The following TPO variants were observed in gnomAD, a reference collection of about 807,000 sequenced individuals.
TPO encodes thyroid microsomal antigen.
A neutral mutation model predicts 96.9 loss-of-function variants in TPO; 78 were observed. That is an observed-to-expected ratio of 0.81 (90% CI 0.67 to 0.97). The LOEUF is 0.97. Ranked by LOEUF, TPO falls within the 50% of genes least tolerant of loss-of-function variation. The probability of loss-of-function intolerance (pLI) is 0.00; values close to 1 mark genes in which losing one functional copy is unlikely to be tolerated. For synonymous variants in TPO, 547 were observed against 538.0 expected, an observed-to-expected ratio of 1.02 and a Z score of -0.23; for missense variants, 1,252 against 1,274.8, an observed-to-expected ratio of 0.98 and a Z score of 0.27.
chr2:1,508,900 A>G (rs1367355710), intron 14 of TPO, among the ~76,000 whole-genome samples: 2 of 152,044 alleles, frequency 1.3e-5, no homozygotes, highest in African/African-American at 4.8e-5. Context: ...TTCTGCTCTG[A>G]TCTTCGTTAT....
At chr2:1,464,271 A>T (rs1380414082) in intron 7 of TPO, among the ~76,000 whole-genome samples, 2 of 152,210 alleles carry the variant, frequency 1.3e-5, no homozygotes, top group African/African-American at 4.8e-5. Flanking sequence ...TATATAAAAA[A>T]TCACAGTTTC....
chr2:1,375,971 G>A (rs141225719), intron 1 of TPO, among the ~76,000 whole-genome samples: 143 of 152,160 alleles, frequency 9.4e-4, no homozygotes, highest in African/African-American at 3.4e-3. Flanking sequence ...CCAGCACAAC[G>A]GGTTCCTCTT....
intron 1 of TPO, among the ~76,000 whole-genome samples, chr2:1,379,928 C>T (rs937529568): frequency 1.4e-4 from 22 of 152,134 alleles, no homozygotes; most frequent in African/African-American, 4.1e-4. Flanking sequence ...TACTGAGAGT[C>T]GAGAGTTTTA....
At chr2:1,486,357 A>G (rs376609377) in intron 9 of TPO, among the ~76,000 whole-genome samples, 4 of 152,160 alleles carry the variant, frequency 2.6e-5, no homozygotes, top group South Asian at 2.1e-4. Flanking sequence ...CCCCATCTCT[A>G]CTAAAAATAC....
chr2:1,402,914 C>T (rs565150721), intron 1 of TPO, among the ~76,000 whole-genome samples: 4 of 152,266 alleles, frequency 2.6e-5, no homozygotes, highest in African/African-American at 7.2e-5. Flanking sequence ...GAAAGGTTCC[C>T]ATCTGCATTT....
chr2:1,405,011 G>T (rs374894434), intron 1 of TPO, among the ~76,000 whole-genome samples: 1 of 151,618 alleles, frequency 6.6e-6, no homozygotes, highest in Non-Finnish European at 1.5e-5. Flanking sequence ...ATGTACCCAC[G>T]CAGCCATCCA....
Position 1,540,677 on chromosome 2 carries a change from C to T in TPO, c.2702C>T (p.Ala901Val), listed in dbSNP as rs886054972. 1.9e-6 allele frequency: 3 copies of T among 1,613,294 alleles called. No individual in the cohort carries two copies. The highest frequency in any genetic ancestry group is 2.7e-5 in the African/African-American group (2 of 74,914). The change falls in exon 16 of 17, where the codon GCC (alanine) becomes GTC (valine). Residue 901 changes from alanine to valine, a missense_variant. Physicochemically the swap from Ala to Val is moderately conservative, Grantham distance 64. Coordinates refer to ENST00000329066, the MANE Select transcript of TPO (RefSeq NM_001206744.2). ...GAGCTGAGATGCGGAAAGCACCAGG[C>T]CGTAGGGACCTCACCGCAGCGGGCC... Reference protein sequence around the residue: ...TPELRCGKHQAVGTSPQRAAA... With the variant: ...TPELRCGKHQVVGTSPQRAAA...
At chr2:1,500,553 C>T (rs78424599) in intron 13 of TPO, among the ~76,000 whole-genome samples, 4,420 of 152,194 alleles carry the variant, frequency 0.029, 126 homozygotes, top group South Asian at 0.13. Flanking sequence ...AACACATCTG[C>T]GGCTACAGAA....
Position 1,396,098 on chromosome 2 carries a change from G to A in TPO, n.180+21696G>A, listed in dbSNP as rs76951900. 4.0e-3 allele frequency among the ~76,000 whole-genome samples: 608 copies of A among 152,356 alleles called. 19 individuals are homozygous for A. The East Asian group carries it at 0.072, about 18-fold the overall frequency. ...AAGCTCTGCTCTGCTGGAAGCTCAC[G>A]TGGGAAGAGTCTGCCTGGCACAGCT... On this transcript the variant is annotated intron_variant and non_coding_transcript_variant, in intron 1 of 5. Transcript: ENST00000497517.
chr2:1,402,169 A>G (rs1662182433), intron 1 of TPO, among the ~76,000 whole-genome samples: 1 of 152,192 alleles, frequency 6.6e-6, no homozygotes, highest in African/African-American at 2.4e-5. Context: ...CACCTAACCA[A>G]TGCCTCAGAT....
In TPO at chr2:1,398,546, C is replaced by T. The variant is rs186046258; in HGVS notation, n.180+24144C>T. On this transcript the variant is annotated intron_variant and non_coding_transcript_variant, in intron 1 of 5. Transcript: ENST00000497517. ...CCTGTTGTGGCCCCAGCATTGCAGA[C>T]ATCACAGGCGGAGACCTCTGTCCCT... Among the ~76,000 whole-genome samples, 994 of 152,344 alleles carry T rather than the reference C, an allele frequency of 6.5e-3. 7 individuals are homozygous for T. Among genetic ancestry groups the T allele is most frequent in the Non-Finnish European group, 0.011 (733 of 68,036 alleles).
chr2:1,531,298 T>C (rs1306970350), intron 15 of TPO, among the ~76,000 whole-genome samples: 1 of 71,900 alleles, frequency 1.4e-5, no homozygotes, highest in East Asian at 3.8e-4. Context: ...TGTCAGCAAC[T>C]TCCCTAAATC....
chr2:1,523,702 C>A (rs1276015589), intron 15 of TPO, among the ~76,000 whole-genome samples: 3 of 132,762 alleles, frequency 2.3e-5, no homozygotes, highest in African/African-American at 2.8e-5. Flanking sequence ...CCCCAAATCC[C>A]CCCCACTGTG....
chr2:1,388,920 AAAG>A (rs1275316167), intron 1 of TPO, among the ~76,000 whole-genome samples: 23 of 152,214 alleles, frequency 1.5e-4, no homozygotes, highest in African/African-American at 5.5e-4. Flanking sequence ...AGAATTCTCT[AAAG>A]AAAATTTTAG....
intron 7 of TPO, among the ~76,000 whole-genome samples, chr2:1,460,791 C>T (rs1668355195): frequency 6.6e-6 from 1 of 152,032 alleles, no homozygotes; most frequent in Non-Finnish European, 1.5e-5. Context: ...ACTGAGAGAA[C>T]TACTCTGTGT....
At chr2:1,458,180 A>T (rs1366297220) in intron 7 of TPO, among the ~76,000 whole-genome samples, 1 of 151,708 alleles carries the variant, frequency 6.6e-6, no homozygotes, top group Non-Finnish European at 1.5e-5. Context: ...TATAGGATAT[A>T]ATATAGTGTG....
intron 15 of TPO, among the ~76,000 whole-genome samples, chr2:1,537,148 CACTCT>C (rs1679920846): frequency 7.9e-6 from 1 of 126,102 alleles, no homozygotes; most frequent in African/African-American, 3.2e-5. Context: ...CAAATACCCC[CACTCT>C]GTGCAAGTGC....
intron 15 of TPO, among the ~76,000 whole-genome samples, chr2:1,526,043 C>T (rs1254416374): frequency 3.6e-5 from 5 of 137,338 alleles, no homozygotes; most frequent in African/African-American, 1.4e-4. Context: ...CTGTGTGCAA[C>T]CTCCCCAAAT....
At chr2:1,428,208 G>A (rs914101624) in intron 3 of TPO, among the ~76,000 whole-genome samples, 7 of 152,196 alleles carry the variant, frequency 4.6e-5, no homozygotes, top group African/African-American at 1.2e-4. Flanking sequence ...AAAGTAACAT[G>A]CAGCCCTGGG....
Sources: gnomAD v4.1 joint callset for allele counts (sites outside exome capture counted in the v4.1 genomes callset) on GRCh38, gnomAD v4.1.1 for gene constraint, MANE v1.5 for transcripts, NCBI Gene and HGNC (gene_info 2026-07-23, HGNC 2026-07-21) for gene names.